PCDHGB3: variants seen among roughly 807,000 people sequenced by gnomAD.
PCDHGB3 encodes protocadherin gamma subfamily B, 3.
PCDHGB3 carries 40 observed loss-of-function variants against 59.2 expected under a neutral mutation model. The observed-to-expected ratio is 0.68, with a 90% CI of 0.52 to 0.88. The LOEUF (loss-of-function observed/expected upper bound fraction) is 0.88. Ranked by LOEUF, PCDHGB3 falls within the 40% of genes least tolerant of loss-of-function variation. PCDHGB3 has a pLI of 0.00. For synonymous variants in PCDHGB3, 581 were observed against 503.6 expected (o/e 1.15, Z -2.06); for missense variants, 1,309 against 1,187.9 (o/e 1.10, Z -1.50).
chr5:141,462,007 G>C (rs2099028604), intron 1 of PCDHGB3, among the ~76,000 whole-genome samples: 1 of 152,188 alleles, frequency 6.6e-6, no homozygotes, highest in South Asian at 2.1e-4. Context: ...ATTTTTAATA[G>C]AGACGGGGTT....
chr5:141,480,951 G>A (rs924500955), intron 1 of PCDHGB3, among the ~76,000 whole-genome samples: 4 of 152,038 alleles, frequency 2.6e-5, no homozygotes, highest in Non-Finnish European at 2.9e-5. Flanking sequence ...AGGCTGAGGC[G>A]GAAGCATCAG....
chr5:141,380,369 A>G (rs1776432009), intron 1 of PCDHGB3, among the ~76,000 whole-genome samples: 1 of 152,238 alleles, frequency 6.6e-6, no homozygotes, highest in Non-Finnish European at 1.5e-5. Context: ...TAGAAAAAAA[A>G]GTCCCAAAAA....
intron 2 of PCDHGB3, among the ~76,000 whole-genome samples, chr5:141,496,856 G>A (rs1324235700): frequency 6.7e-6 from 1 of 150,206 alleles, no homozygotes; most frequent in African/African-American, 2.5e-5. Context: ...CAGACCAGCA[G>A]AGGAGACTGA....
At chr5:141,374,592 T>C in intron 1 of PCDHGB3, 1 of 1,613,700 alleles carries the variant, frequency 6.2e-7, no homozygotes, top group Admixed American at 1.7e-5. Context: ...CTTCAGGGAT[T>C]TAAGCTCAGT....
intron 1 of PCDHGB3, among the ~76,000 whole-genome samples, chr5:141,471,163 G>GC (rs202115056): frequency 0.11 from 16,237 of 150,562 alleles, 892 homozygotes; most frequent in South Asian, 0.15. Context: ...GATTCTCCTG[G>GC]CTCAGCCTCC....
At chr5:141,492,834 G>T (rs544218873) in intron 1 of PCDHGB3, among the ~76,000 whole-genome samples, 36 of 152,332 alleles carry the variant, frequency 2.4e-4, no homozygotes, top group Non-Finnish European at 4.1e-4. Flanking sequence ...CCTTCCTCCC[G>T]CAGGAAGTGA....
chr5:141,487,355 G>A lies in PCDHGB3; in HGVS notation c.2416-7452G>A. ...AGCCTGTGGAGTCACATGCTTTCCT[G>A]CTGGCACCTGTGCCTGTCTCACCAG... On this transcript the variant is annotated intron_variant, in intron 1 of 3. Coordinates refer to ENST00000576222, the MANE Select transcript of PCDHGB3 (RefSeq NM_018924.5). This position sits in a 1 kb window ranked among gnomAD's most constrained non-coding sequence, Gnocchi z 5.0. 1 of 1,614,150 alleles carries A rather than the reference G, an allele frequency of 6.2e-7. No homozygotes were observed. Among genetic ancestry groups the A allele is most frequent in the South Asian group, 1.1e-5 (1 of 91,090 alleles).
At position 141,388,343 on chromosome 5, in the gene PCDHGB3, A is replaced by G. The variant is rs2091322753; in HGVS notation, c.2415+15534A>G. ...CTGCACAGCCTGGCACACGATTTAT[A>G]TTAGGATCTGCCCATGATGCGGATA... On this transcript the variant is annotated intron_variant, in intron 1 of 3. Coordinates refer to ENST00000576222, the MANE Select transcript of PCDHGB3 (RefSeq NM_018924.5). 3 of 1,614,008 alleles carry G rather than the reference A, an allele frequency of 1.9e-6. No individual in the cohort carries two copies. The East Asian group carries it at 6.7e-5, about 36-fold the overall frequency.
At chr5:141,428,362 G>T (rs868168419) in intron 1 of PCDHGB3, 2 of 556,756 alleles carry the variant, frequency 3.6e-6, no homozygotes, top group Non-Finnish European at 6.6e-6. Context: ...TTTGGCGGTC[G>T]CCTTGCACCT....
chr5:141,429,387 TAA>T (rs11410533), intron 1 of PCDHGB3, among the ~76,000 whole-genome samples: 155 of 151,446 alleles, frequency 1.0e-3, no homozygotes, highest in African/African-American at 3.5e-3. Flanking sequence ...GTTTTTTTTT[TAA>T]AAAAAATTGA....
intron 1 of PCDHGB3, chr5:141,433,078 C>A (rs947684072): frequency 2.5e-5 from 40 of 1,614,144 alleles, no homozygotes; most frequent in Non-Finnish European, 3.3e-5. Context: ...TCCCCCAGCC[C>A]AACTATGCAG....
At chr5:141,423,102 C>T (rs778561065) in intron 1 of PCDHGB3, 7 of 1,613,920 alleles carry the variant, frequency 4.3e-6, no homozygotes, top group Non-Finnish European at 4.2e-6. Context: ...AGCACACGGG[C>T]GAGGTGCGTA....
rs376527354 is a variant in PCDHGB3, at chr5:141,439,129, G to A, written c.2416-55678G>A. Among the ~76,000 whole-genome samples the A allele has an allele frequency of 7.3e-5, 11 of 151,064 alleles. No individual in the cohort carries two copies. The South Asian group carries it at 2.3e-3, about 32-fold the overall frequency. The stretch of plus-strand genomic sequence containing the variant: ...AATCACTTGAACCCGGGAGACAGAG[G>A]TTGCAGTGAGCTGAGATCACGCCAC... On this transcript the variant is annotated intron_variant, in intron 1 of 3. Coordinates refer to ENST00000576222, the MANE Select transcript of PCDHGB3 (RefSeq NM_018924.5).
intron 1 of PCDHGB3, chr5:141,374,535 G>A (rs752542327): frequency 1.9e-6 from 3 of 1,613,092 alleles, no homozygotes; most frequent in South Asian, 2.2e-5. Flanking sequence ...CCATCCTCTC[G>A]TTTTCCACTA....
rs376964998 is a variant in PCDHGB3, at chr5:141,372,134, C to T, written c.1740C>T (p.Arg580=). The change falls in exon 1 of 4, where the codon CGC becomes CGT. Residue 580 remains arginine (R), a synonymous_variant. Coordinates refer to ENST00000576222, the MANE Select transcript of PCDHGB3 (RefSeq NM_018924.5). ...CTGCGCTCTTCGATATGGTGCCGCG[C>T]TCTGCAGAGCCTGGCTACCTGGTGA... The part of the protein sequence containing the change: ...EGSALFDMVP[R]SAEPGYLVTK... The T allele has an allele frequency of 1.9e-6, 3 of 1,613,696 alleles. No individual in the cohort carries two copies. Among genetic ancestry groups the T allele is most frequent in the Non-Finnish European group, 2.5e-6 (3 of 1,179,854 alleles).
At chr5:141,433,082 T>C in intron 1 of PCDHGB3, 1 of 1,614,188 alleles carries the variant, frequency 6.2e-7, no homozygotes. Flanking sequence ...CCAGCCCAAC[T>C]ATGCAGACAT....
chr5:141,408,430 C>T, intron 1 of PCDHGB3: 2 of 1,614,012 alleles, frequency 1.2e-6, no homozygotes, highest in South Asian at 1.1e-5. Context: ...TGCACTTCAG[C>T]GTAGACGCGG....
At chr5:141,374,144 G>A in intron 1 of PCDHGB3, 1 of 1,610,858 alleles carries the variant, frequency 6.2e-7, no homozygotes, top group Admixed American at 1.7e-5. Flanking sequence ...CACGCTCCTG[G>A]GGACGCTGTG....
At chr5:141,380,666 A>G (rs1338427097) in intron 1 of PCDHGB3, among the ~76,000 whole-genome samples, 1 of 152,250 alleles carries the variant, frequency 6.6e-6, no homozygotes, top group African/African-American at 2.4e-5. Flanking sequence ...CATTTACTCC[A>G]TAGGGTATGT....
Sources: allele counts gnomAD v4.1 joint callset (sites outside exome capture counted in the v4.1 genomes callset), GRCh38; gene constraint gnomAD v4.1.1; non-coding constraint Gnocchi (gnomAD v3.1); transcripts MANE v1.5; gene names NCBI Gene and HGNC (gene_info 2026-07-23, HGNC 2026-07-21).